LGSN: variants seen among roughly 807,000 people sequenced by gnomAD.
LGSN encodes the protein lengsin, lens protein with glutamine synthetase domain, also known as lengsin.
LGSN carries 21 observed loss-of-function variants against 19.5 expected under a neutral mutation model. That is an observed-to-expected ratio of 1.07 (90% CI 0.76 to 1.55). LGSN has a LOEUF of 1.55. LGSN is among the 40% of genes most tolerant of loss of function. The pLI is 0.00. For synonymous variants in LGSN, 257 were observed against 215.6 expected (o/e 1.19, Z -1.68); for missense variants, 673 against 608.5 (o/e 1.11, Z -1.12).
At chr6:63,446,605 T>G in the LGSN span, among the ~76,000 whole-genome samples, 1 of 152,212 alleles carries the variant, frequency 6.6e-6, no homozygotes, top group Non-Finnish European at 1.5e-5. Context: ...AAATTTGCCA[T>G]CAATTATGTA....
the LGSN span, among the ~76,000 whole-genome samples, chr6:63,451,717 A>T: frequency 1.3e-5 from 2 of 152,204 alleles, no homozygotes; most frequent in African/African-American, 4.8e-5. Context: ...TTACCTATGT[A>T]ACAAACCTGC....
At chr6:63,359,003 T>C in the LGSN span, among the ~76,000 whole-genome samples, 1 of 152,210 alleles carries the variant, frequency 6.6e-6, no homozygotes, top group Admixed American at 6.5e-5. Context: ...TTGAGATATG[T>C]CCCATCAAAA....
chr6:63,412,521 A>AGAAG, the LGSN span, among the ~76,000 whole-genome samples: 1,721 of 89,608 alleles, frequency 0.019, 11 homozygotes, highest in East Asian at 0.03. Flanking sequence ...AAAGAAAGAA[A>AGAAG]GAAAGAAGGA....
chr6:63,440,208 G>A, the LGSN span, among the ~76,000 whole-genome samples: 1 of 152,168 alleles, frequency 6.6e-6, no homozygotes, highest in East Asian at 1.9e-4. Context: ...CCAGACTGCT[G>A]GTCCCGGATG....
At chr6:63,302,930 C>T (rs990532340) in intron 1 of LGSN, among the ~76,000 whole-genome samples, 1 of 151,976 alleles carries the variant, frequency 6.6e-6, no homozygotes, top group Non-Finnish European at 1.5e-5. Context: ...AGTTCGAGTC[C>T]AGCCTGGCCA....
the LGSN span, among the ~76,000 whole-genome samples, chr6:63,536,292 T>C: frequency 2.0e-5 from 3 of 152,066 alleles, no homozygotes; most frequent in Non-Finnish European, 4.4e-5. Context: ...ATCCTGCCAC[T>C]GCACTCCAGC....
the LGSN span, among the ~76,000 whole-genome samples, chr6:63,497,531 T>A: frequency 1.3e-5 from 2 of 152,036 alleles, no homozygotes; most frequent in African/African-American, 4.8e-5. Flanking sequence ...CCAGCCTGGG[T>A]GGCAGAGCGA....
chr6:63,542,188 C>T, the LGSN span, among the ~76,000 whole-genome samples: 1 of 151,924 alleles, frequency 6.6e-6, no homozygotes, highest in East Asian at 1.9e-4. Context: ...AACCAAACAT[C>T]GTATGTTCTC....
At chr6:63,481,454 C>T in the LGSN span, among the ~76,000 whole-genome samples, 1 of 151,884 alleles carries the variant, frequency 6.6e-6, no homozygotes, top group Admixed American at 6.6e-5. Context: ...GCGATTCTCC[C>T]GCCTCAGCCT....
At chr6:63,340,247 C>T in the LGSN span, among the ~76,000 whole-genome samples, 2 of 151,972 alleles carry the variant, frequency 1.3e-5, no homozygotes, top group Admixed American at 6.6e-5. Context: ...TTGGAGAAGA[C>T]CTTTTGGGAT....
At chr6:63,291,757 C>T (rs1767780371) in intron 2 of LGSN, among the ~76,000 whole-genome samples, 1 of 152,296 alleles carries the variant, frequency 6.6e-6, no homozygotes, top group South Asian at 2.1e-4. Context: ...TGCCTCTTTT[C>T]GGTATCAGTA....
the LGSN span, among the ~76,000 whole-genome samples, chr6:63,327,104 G>C: frequency 2.0e-5 from 3 of 152,236 alleles, no homozygotes; most frequent in Non-Finnish European, 4.4e-5. Context: ...TAGGGGTGAA[G>C]AAGGGGCCCT....
chr6:63,533,907 G>A, the LGSN span, among the ~76,000 whole-genome samples: 1 of 149,722 alleles, frequency 6.7e-6, no homozygotes, highest in South Asian at 2.1e-4. Context: ...TCAGTGGTGT[G>A]ATCTCGGCTC....
the LGSN span, among the ~76,000 whole-genome samples, chr6:63,412,761 A>AAGAGAG: frequency 5.5e-3 from 111 of 20,054 alleles, 3 homozygotes; most frequent in African/African-American, 0.025. Flanking sequence ...GAAAGAAAGA[A>AAGAGAG]AGAAAGAAAG....
At chr6:63,351,262 T>C in the LGSN span, among the ~76,000 whole-genome samples, 1 of 152,156 alleles carries the variant, frequency 6.6e-6, no homozygotes, top group South Asian at 2.1e-4. Flanking sequence ...CTGTGAGAAA[T>C]ACATTTCTGA....
chr6:63,472,011 T>A, the LGSN span, among the ~76,000 whole-genome samples: 1 of 152,208 alleles, frequency 6.6e-6, no homozygotes, highest in Non-Finnish European at 1.5e-5. Flanking sequence ...GATTATTTTC[T>A]TTTTTTCTCT....
chr6:63,549,587 C>A, the LGSN span: 1 of 598,578 alleles, frequency 1.7e-6, no homozygotes, highest in Non-Finnish European at 2.9e-6. Context: ...TAAAGAAAAC[C>A]TTTATGTGAT....
At chr6:63,313,784 C>T (rs541803748) in intron 1 of LGSN, among the ~76,000 whole-genome samples, 99 of 151,978 alleles carry the variant, frequency 6.5e-4, no homozygotes, top group African/African-American at 2.4e-3. Flanking sequence ...TGCAGTGAGC[C>T]AAGATTGCAC....
rs538853527 is a variant in LGSN, at chr6:63,288,372, T to C, written c.164-2619A>G. Reference sequence around the variant, plus strand: ...TCAGCCAGAAAGAGCCCTACCCTCATAGAACTTTATATTATGATGTGGGGC... The same window carrying C: ...TCAGCCAGAAAGAGCCCTACCCTCACAGAACTTTATATTATGATGTGGGGC... On this transcript the variant is annotated intron_variant, in intron 2 of 3. Transcript: ENST00000370657. Among the ~76,000 whole-genome samples, 4 of 151,762 alleles carry C rather than the reference T, an allele frequency of 2.6e-5. No individual in the cohort carries two copies. The South Asian group carries it at 6.2e-4, about 24-fold the overall frequency.
Sources: allele counts gnomAD v4.1 joint callset (sites outside exome capture counted in the v4.1 genomes callset), GRCh38; gene constraint gnomAD v4.1.1; transcripts MANE v1.5; gene names NCBI Gene and HGNC (gene_info 2026-07-23, HGNC 2026-07-21).